EIF3L: variants seen among roughly 807,000 people sequenced by gnomAD.
The protein encoded by EIF3L is eukaryotic translation initiation factor 3 subunit L.
In EIF3L, 32 loss-of-function variants were observed where a neutral mutation model predicts 74.6. The observed-to-expected ratio is 0.43, with a 90% CI of 0.32 to 0.58. The LOEUF (loss-of-function observed/expected upper bound fraction) is 0.58, where lower values mean the gene tolerates loss of function less well. EIF3L is among the 20% of genes least tolerant of loss of function. The pLI is 0.06. For synonymous variants in EIF3L, 256 were observed against 254.4 expected, an observed-to-expected ratio of 1.01 and a Z score of -0.06; for missense variants, 474 against 707.8, an observed-to-expected ratio of 0.67 and a Z score of 3.75.
At position 37,863,355 on chromosome 22, in the gene EIF3L, C is replaced by T. The variant is rs376912297; in HGVS notation, c.579+10C>T. On this transcript the variant is annotated intron_variant, in intron 7 of 12. Transcript: ENST00000652021. ...TGAGTTCATCTACCAGGTATCTGGT[C>T]AGCTTCAGCCTAATTTGAAATAACT... 19 of 1,598,826 alleles carry T rather than the reference C, an allele frequency of 1.2e-5. No individual in the cohort carries two copies. The highest frequency in any genetic ancestry group is 5.6e-5 in the South Asian group (5 of 89,444).
chr22:37,886,934 CT>C (rs1243351082), intron 12 of EIF3L, 89 bp downstream of exon 12: 3 of 1,073,544 alleles, frequency 2.8e-6, no homozygotes, highest in Non-Finnish European at 4.0e-6. Flanking sequence ...ATTTTTATTC[CT>C]TTATTTATTT....
intron 7 of EIF3L, among the ~76,000 whole-genome samples, chr22:37,864,682 G>A (rs1926049851): frequency 6.6e-6 from 1 of 152,086 alleles, no homozygotes; most frequent in South Asian, 2.1e-4. Flanking sequence ...GGGATTACAG[G>A]TGCCCACCAC....
intron 8 of EIF3L, among the ~76,000 whole-genome samples, chr22:37,873,414 T>G (rs1231833481): frequency 1.5e-5 from 2 of 134,000 alleles, no homozygotes; most frequent in Non-Finnish European, 3.3e-5. Context: ...TTCTCCTGCC[T>G]CAGCCTCCCA....
In EIF3L at chr22:37,877,764, C is replaced by T. The variant is rs373585941; in HGVS notation, c.1168C>T (p.Leu390=). 1 of 1,613,758 alleles carries T rather than the reference C, an allele frequency of 6.2e-7. No homozygotes were observed. Among genetic ancestry groups the T allele is most frequent in the African/African-American group, 1.3e-5 (1 of 74,878 alleles). The change falls in exon 11 of 13, where the codon CTG becomes TTG. Residue 390 remains leucine (L), a synonymous_variant. Coordinates refer to ENST00000652021, the MANE Select transcript of EIF3L (RefSeq NM_016091.4). ...TATTGATGAGAGCATTCACCTCCAG[C>T]TGCGGGAGAAATATGGGGACAAGAT... ...MRIDESIHLQ[L]REKYGDKMLR...
intron 11 of EIF3L, chr22:37,879,935 G>A (rs1926959318): frequency 6.6e-6 from 1 of 151,466 alleles, no homozygotes; most frequent in South Asian, 2.1e-4. Flanking sequence ...GAGTAGCTGG[G>A]ATTACAGGCT....
intron 2 of EIF3L, 66 bp downstream of exon 2, chr22:37,850,129 C>A: frequency 6.4e-7 from 1 of 1,571,990 alleles, no homozygotes; most frequent in Non-Finnish European, 8.7e-7. Flanking sequence ...GTCTTAGAAC[C>A]AGCTCTGACA....
chr22:37,873,725 A>G (rs1009437609), intron 8 of EIF3L, among the ~76,000 whole-genome samples: 2 of 152,082 alleles, frequency 1.3e-5, no homozygotes, highest in African/African-American at 2.4e-5. Flanking sequence ...CTCAGTCTCA[A>G]AAAACAAACA....
Position 37,858,756 on chromosome 22 carries a change from T to A in EIF3L, c.435+16T>A. 1 of 1,589,266 alleles carries A rather than the reference T, an allele frequency of 6.3e-7. No individual in the cohort carries two copies. Among genetic ancestry groups the A allele is most frequent in the Non-Finnish European group, 8.5e-7 (1 of 1,173,296 alleles). ...CAAAGTCAGTGTAAGTATTTAAGTG[T>A]CGCAGTTTTTTTTTTGTTTTTGTTT... On this transcript the variant is annotated intron_variant, in intron 5 of 12. Coordinates refer to ENST00000652021, the MANE Select transcript of EIF3L (RefSeq NM_016091.4).
chr22:37,871,872 GAAAA>G (rs34538530), intron 8 of EIF3L, among the ~76,000 whole-genome samples: 2 of 119,866 alleles, frequency 1.7e-5, no homozygotes, highest in African/African-American at 3.1e-5. Context: ...CTGTCTCGGG[GAAAA>G]AAAAAAAAAA....
intron 5 of EIF3L, among the ~76,000 whole-genome samples, chr22:37,861,998 C>T (rs1351873471): frequency 6.6e-6 from 1 of 152,068 alleles, no homozygotes; most frequent in Non-Finnish European, 1.5e-5. Context: ...TATTAAGCAC[C>T]TTACATAACT....
chr22:37,850,177 G>T, intron 2 of EIF3L, 114 bp downstream of exon 2: 1 of 1,191,508 alleles, frequency 8.4e-7, no homozygotes, highest in Non-Finnish European at 1.2e-6. Flanking sequence ...CAGGTTTGGA[G>T]TCAGTCATTA....
chr22:37,851,413 T>C lies in EIF3L; in HGVS notation c.216T>C (p.Tyr72=). 1 of 1,613,888 alleles carries C rather than the reference T, an allele frequency of 6.2e-7. No individual in the cohort carries two copies. The highest frequency in any genetic ancestry group is 8.5e-7 in the Non-Finnish European group (1 of 1,179,862). ...TVSDLIDQKV[Y]ELQASRVSSD... ...CAGATTTGATTGACCAGAAAGTGTA[T>C]GAGCTACAGGCCAGTCGTGTCTCCA... Residue 72 remains tyrosine (Y), a synonymous_variant, in exon 3 of 13, where the codon TAT becomes TAC. Transcript: ENST00000652021.
At chr22:37,866,612 C>T (rs889920990) in intron 7 of EIF3L, among the ~76,000 whole-genome samples, 12 of 152,006 alleles carry the variant, frequency 7.9e-5, no homozygotes, top group Admixed American at 4.6e-4. Context: ...GGTGAAACCC[C>T]GTCTCTACTA....
At chr22:37,861,643 C>T (rs910163167) in intron 5 of EIF3L, among the ~76,000 whole-genome samples, 10 of 151,618 alleles carry the variant, frequency 6.6e-5, no homozygotes, top group Admixed American at 2.6e-4. Flanking sequence ...GAGATTGCAC[C>T]GCTGCACTCC....
At chr22:37,875,562 A>G (rs1409889470) in intron 9 of EIF3L, among the ~76,000 whole-genome samples, 1 of 152,216 alleles carries the variant, frequency 6.6e-6, no homozygotes, top group Admixed American at 6.5e-5. Context: ...TGAAAAAGCA[A>G]GGAAAAATAA....
chr22:37,855,706 A>T, intron 4 of EIF3L, 62 bp downstream of exon 4: 1 of 1,409,608 alleles, frequency 7.1e-7, no homozygotes, highest in South Asian at 1.2e-5. Context: ...GTCATTAGAC[A>T]GGAAGCTCAA....
At chr22:37,877,430 G>T (rs1172715012) in intron 10 of EIF3L, 1 of 485,564 alleles carries the variant, frequency 2.1e-6, no homozygotes, top group African/African-American at 1.9e-5. Context: ...GGACAAACTG[G>T]AGAGACTAAG....
At chr22:37,865,382 C>T (rs184327624) in intron 7 of EIF3L, among the ~76,000 whole-genome samples, 86 of 152,070 alleles carry the variant, frequency 5.7e-4, no homozygotes, top group African/African-American at 2.0e-3. Flanking sequence ...ATCGCTCGAA[C>T]CCGAGAGGCA....
intron 4 of EIF3L, among the ~76,000 whole-genome samples, chr22:37,856,144 G>A (rs775673461): frequency 6.6e-6 from 1 of 151,778 alleles, no homozygotes; most frequent in African/African-American, 2.4e-5. Context: ...TGCAACCTCC[G>A]CCTCCCAGGT....
Sources: gnomAD v4.1 joint callset for allele counts (sites outside exome capture counted in the v4.1 genomes callset) on GRCh38, gnomAD v4.1.1 for gene constraint, MANE v1.5 for transcripts, NCBI Gene and HGNC (gene_info 2026-07-23, HGNC 2026-07-21) for gene names.